Variants in OR2AJ1 observed in about 807,000 individuals in gnomAD.
The protein encoded by OR2AJ1 is olfactory receptor 2AJ1.
For missense variants in OR2AJ1, 280 were observed against 163.2 expected (o/e 1.72, Z -3.90); for synonymous variants, 105 against 60.3 (o/e 1.74, Z -3.44).
chr1:247,933,133 A>G (rs963402450), intron 1 of OR2AJ1, among the ~76,000 whole-genome samples: 2 of 152,206 alleles, frequency 1.3e-5, no homozygotes, highest in Admixed American at 6.5e-5. Context: ...CAATAGACAG[A>G]AAGACAAGTT....
At chr1:247,933,190 T>G (rs1386905045) in intron 1 of OR2AJ1, among the ~76,000 whole-genome samples, 1 of 152,208 alleles carries the variant, frequency 6.6e-6, no homozygotes, top group Non-Finnish European at 1.5e-5. Flanking sequence ...CTTGAGCAAC[T>G]GCTATGCACT....
chr1:247,927,253 A>G (rs904661141), intron 1 of OR2AJ1, among the ~76,000 whole-genome samples: 2 of 152,140 alleles, frequency 1.3e-5, no homozygotes, highest in Non-Finnish European at 2.9e-5. Flanking sequence ...CACCTGCACT[A>G]TAATAAGAAA....
At chr1:247,927,519 T>TGTGTGTGTGTGTGTGTGTGTGTG (rs74163828) in intron 1 of OR2AJ1, among the ~76,000 whole-genome samples, 16 of 151,592 alleles carry the variant, frequency 1.1e-4, no homozygotes, top group African/African-American at 2.2e-4. Flanking sequence ...TGTGTGTGTG[T>TGTGTGTGTGTGTGTGTGTGTGTG]TGGGAACATT....
At position 247,933,845 on chromosome 1, in the gene OR2AJ1, T is replaced by C. The variant is rs1660180259; in HGVS notation, c.77T>C (p.Val26Ala). ...GLFSSSPTSVVFFLVLFVIFI... is the reference protein window; with the variant it reads ...GLFSSSPTSVAFFLVLFVIFI... The stretch of plus-strand genomic sequence containing the variant: ...TTCTCTTCTTCCCCAACAAGTGTGG[T>C]CTTCTTCTTAGTTTTATTTGTCATT... Residue 26 changes from valine (V) to alanine (A), a missense_variant, in exon 2 of 2, where the codon GTC becomes GCC. Physicochemically the swap from Val to Ala is moderately conservative, Grantham distance 64 (BLOSUM62 0). Coordinates refer to ENST00000318244, the MANE Select transcript of OR2AJ1 (RefSeq NM_001355235.2). The C allele has an allele frequency of 1.5e-6, 1 of 673,656 alleles. No individual in the cohort carries two copies. Among genetic ancestry groups the C allele is most frequent in the African/African-American group, 1.8e-5 (1 of 55,924 alleles). 41.7% of individuals were successfully genotyped at this position (673,656 alleles called of 1,614,324 possible).
chr1:247,931,339 T>C (rs1273514190), intron 1 of OR2AJ1, among the ~76,000 whole-genome samples: 1 of 152,164 alleles, frequency 6.6e-6, no homozygotes, highest in Admixed American at 6.6e-5. Context: ...AAACACGGAA[T>C]TGAGAGCATT....
chr1:247,925,565 T>C (rs4925781), intron 1 of OR2AJ1, among the ~76,000 whole-genome samples: 107,391 of 151,476 alleles, frequency 0.71, 38,563 homozygotes, highest in Non-Finnish European at 0.77. Context: ...TCAGCTTCAC[T>C]GGAAATTAGA....
rs1660205525 is a variant in OR2AJ1 at position 247,935,275 on chromosome 1, A to C, written c.*520A>C. ...AATTGAATTACTCATCCTATGCTAG[A>C]AGCAACTATACAATATTAGATAGGA... On this transcript the variant is annotated 3_prime_UTR_variant, in exon 2 of 2. Coordinates refer to ENST00000318244, the MANE Select transcript of OR2AJ1 (RefSeq NM_001355235.2). 1 of 152,354 alleles carries C rather than the reference A, an allele frequency of 6.6e-6. No homozygotes were observed. Among genetic ancestry groups the C allele is most frequent in the Non-Finnish European group, 1.5e-5 (1 of 68,186 alleles). The allele number at this position is 152,354 out of a possible 1,614,324, so 9.4% of individuals were successfully genotyped here.
intron 1 of OR2AJ1, among the ~76,000 whole-genome samples, chr1:247,927,081 C>T (rs1660099542): frequency 6.6e-6 from 1 of 152,274 alleles, no homozygotes; most frequent in Admixed American, 6.5e-5. Context: ...ATCAGCAAAG[C>T]TTATTTTCTC....
rs186689465 is a variant in OR2AJ1 at position 247,926,463 on chromosome 1, T to G, written c.-23+1295T>G. Among the ~76,000 whole-genome samples the G allele has an allele frequency of 2.2e-4, 34 of 152,312 alleles. 1 individual carries two copies. Among genetic ancestry groups the G allele is most frequent in the Non-Finnish European group, 1.6e-4 (11 of 68,022 alleles). The stretch of plus-strand genomic sequence containing the variant: ...CCCTTATTTTGGCCTCTGAAAAGAT[T>G]GTTTGTCCACTGTGGTCTTTTAACC... On this transcript the variant is annotated intron_variant, in intron 1 of 1. Coordinates refer to ENST00000318244, the MANE Select transcript of OR2AJ1 (RefSeq NM_001355235.2).
At chr1:247,928,107 T>A (rs1660112644) in intron 1 of OR2AJ1, among the ~76,000 whole-genome samples, 1 of 152,222 alleles carries the variant, frequency 6.6e-6, no homozygotes, top group South Asian at 2.1e-4. Flanking sequence ...TTATAATAGC[T>A]ATACTAATTT....
rs1018564752 is a variant in OR2AJ1, at chr1:247,934,860, A to G, written c.*105A>G. On this transcript the variant is annotated 3_prime_UTR_variant, in exon 2 of 2. Coordinates refer to ENST00000318244, the MANE Select transcript of OR2AJ1 (RefSeq NM_001355235.2). ...TCAGAAACATTGTTAATAATAAACA[A>G]TAATATGTGTTTGTGTTGTAAACAC... is the stretch of plus-strand genomic sequence containing the variant. 5.0e-6 allele frequency: 3 copies of G among 599,850 alleles called. No homozygotes were observed. In the Admixed American group the frequency reaches 9.2e-5, roughly 18 times the overall value. 37.2% of individuals were successfully genotyped at this position (599,850 alleles called of 1,614,324 possible).
chr1:247,928,252 C>T (rs1660113729), intron 1 of OR2AJ1, among the ~76,000 whole-genome samples: 1 of 152,002 alleles, frequency 6.6e-6, no homozygotes, highest in South Asian at 2.1e-4. Flanking sequence ...ATTTATATTT[C>T]CCTTATGATT....
At chr1:247,926,003 GCATA>G (rs1205778964) in intron 1 of OR2AJ1, among the ~76,000 whole-genome samples, 2 of 152,008 alleles carry the variant, frequency 1.3e-5, no homozygotes, top group African/African-American at 4.8e-5. Flanking sequence ...AATATAATCT[GCATA>G]CATACATAAT....
chr1:247,930,740 C>T (rs1376106797), intron 1 of OR2AJ1, among the ~76,000 whole-genome samples: 1 of 152,178 alleles, frequency 6.6e-6, no homozygotes, highest in Non-Finnish European at 1.5e-5. Context: ...CTCACACACA[C>T]ATACCCACAC....
intron 1 of OR2AJ1, among the ~76,000 whole-genome samples, chr1:247,927,497 G>GGGTGTGTGTGTGTGTGT (rs1660106195): frequency 6.7e-6 from 1 of 148,334 alleles, no homozygotes; most frequent in Non-Finnish European, 1.5e-5. Context: ...ACATTTAGGG[G>GGGTGTGTGTGTGTGTGT]GTGTGTGTGT....
intron 1 of OR2AJ1, among the ~76,000 whole-genome samples, chr1:247,932,946 C>T (rs1189791394): frequency 6.6e-6 from 1 of 152,074 alleles, no homozygotes; most frequent in East Asian, 1.9e-4. Context: ...TGAAATACAA[C>T]CTTAAAGACA....
chr1:247,931,563 TAAG>T (rs1210382815), intron 1 of OR2AJ1, among the ~76,000 whole-genome samples: 1 of 152,142 alleles, frequency 6.6e-6, no homozygotes, highest in East Asian at 1.9e-4. Context: ...ATGAGGGAGA[TAAG>T]AAATAAATTG....
intron 1 of OR2AJ1, among the ~76,000 whole-genome samples, chr1:247,928,910 C>G (rs1331000817): frequency 6.6e-6 from 1 of 152,126 alleles, no homozygotes; most frequent in African/African-American, 2.4e-5. Context: ...CTGGCTAACA[C>G]GGTGAAATCC....
At chr1:247,926,564 G>A (rs1660093367) in intron 1 of OR2AJ1, among the ~76,000 whole-genome samples, 1 of 152,138 alleles carries the variant, frequency 6.6e-6, no homozygotes, top group Admixed American at 6.5e-5. Context: ...GGGGAAATTG[G>A]AGATTGTACA....
Sources: gnomAD v4.1 joint callset for allele counts (sites outside exome capture counted in the v4.1 genomes callset) on GRCh38, gnomAD v4.1.1 for gene constraint, MANE v1.5 for transcripts, NCBI Gene and HGNC (gene_info 2026-07-23, HGNC 2026-07-21) for gene names.